Variants in ARMH3 observed in about 807,000 individuals in gnomAD.
The protein encoded by ARMH3 is armadillo like helical domain containing 3.
A neutral mutation model predicts 99.1 loss-of-function variants in ARMH3; 60 were observed. The observed-to-expected ratio is 0.61, with a 90% CI of 0.49 to 0.75. The LOEUF (loss-of-function observed/expected upper bound fraction) is 0.75. Ranked by LOEUF, ARMH3 falls within the 30% of genes least tolerant of loss-of-function variation. The pLI is 0.00. For synonymous variants in ARMH3, 285 were observed against 292.8 expected, an observed-to-expected ratio of 0.97 and a Z score of 0.27; for missense variants, 679 against 843.1, an observed-to-expected ratio of 0.81 and a Z score of 2.41.
intron 19 of ARMH3, among the ~76,000 whole-genome samples, chr10:101,985,435 C>T (rs1022550328): frequency 8.6e-5 from 13 of 151,490 alleles, no homozygotes; most frequent in African/African-American, 2.9e-4. Context: ...TACTGGAGGC[C>T]AGGCATAGTG....
rs543037154 is a variant in ARMH3 at position 101,914,466 on chromosome 10, C to G, written c.1782-24976G>C. Among the ~76,000 whole-genome samples the G allele has an allele frequency of 2.2e-3, 316 of 146,712 alleles. 1 individual carries two copies. The highest frequency in any genetic ancestry group is 7.7e-3 in the African/African-American group (302 of 39,460). ...TCACACCACTGTGCTCCAGCCTGGG[C>G]CACAGAGCGAGACTCTGTCTCAAAA... On this transcript the variant is annotated intron_variant, in intron 23 of 25. Transcript: ENST00000370033.
chr10:101,857,698 C>G (rs535193384), intron 24 of ARMH3, among the ~76,000 whole-genome samples: 1 of 152,182 alleles, frequency 6.6e-6, no homozygotes, highest in Non-Finnish European at 1.5e-5. Flanking sequence ...ACGACTTTTC[C>G]TACAAAAATG....
intron 15 of ARMH3, among the ~76,000 whole-genome samples, chr10:102,000,879 C>T (rs1422523971): frequency 2.0e-5 from 3 of 151,884 alleles, no homozygotes; most frequent in African/African-American, 4.8e-5. Context: ...TACAGTGGCG[C>T]GATCTCAACT....
chr10:101,966,358 C>A (rs1490352511), intron 20 of ARMH3, among the ~76,000 whole-genome samples: 1 of 142,272 alleles, frequency 7.0e-6, no homozygotes, highest in African/African-American at 2.6e-5. Flanking sequence ...CTCACTGCAA[C>A]CTCTGCCTCC....
At chr10:101,977,138 T>C (rs1055399562) in intron 19 of ARMH3, among the ~76,000 whole-genome samples, 30 of 152,350 alleles carry the variant, frequency 2.0e-4, no homozygotes, top group African/African-American at 5.0e-4. Context: ...CAAAAAAATA[T>C]AGAACTTTTC....
chr10:102,033,436 T>C (rs1466611568), intron 2 of ARMH3, 97 bp from the exon 3 acceptor site: 3 of 1,310,754 alleles, frequency 2.3e-6, no homozygotes, highest in African/African-American at 1.5e-5. Flanking sequence ...TTTTTTTTTT[T>C]TGAGATGGAA....
At chr10:101,857,690 G>A (rs1412779533) in intron 24 of ARMH3, among the ~76,000 whole-genome samples, 2 of 152,148 alleles carry the variant, frequency 1.3e-5, no homozygotes, top group Non-Finnish European at 2.9e-5. Context: ...AAAGGAAGAC[G>A]ACTTTTCCTA....
intron 15 of ARMH3, among the ~76,000 whole-genome samples, chr10:102,001,286 G>GA (rs979554158): frequency 6.6e-5 from 10 of 151,388 alleles, no homozygotes; most frequent in Non-Finnish European, 1.2e-4. Context: ...CTAAGTAGGG[G>GA]AAAAAAAACA....
chr10:102,043,837 G>A (rs185437788), intron 1 of ARMH3, among the ~76,000 whole-genome samples: 133 of 152,322 alleles, frequency 8.7e-4, no homozygotes, highest in African/African-American at 2.7e-3. Context: ...GTAAATCAAT[G>A]AAGGCTTTTA....
intron 11 of ARMH3, among the ~76,000 whole-genome samples, chr10:102,010,478 A>G (rs1249827368): frequency 1.3e-5 from 2 of 152,190 alleles, no homozygotes; most frequent in Non-Finnish European, 2.9e-5. Flanking sequence ...CTTTGGGAAC[A>G]ATATTCAGGT....
At chr10:101,955,791 A>C (rs558186141) in intron 22 of ARMH3, among the ~76,000 whole-genome samples, 1 of 152,372 alleles carries the variant, frequency 6.6e-6, no homozygotes, top group African/African-American at 2.4e-5. Context: ...AGATACAAGG[A>C]AACTTTTCAG....
At chr10:101,990,527 A>T in intron 19 of ARMH3, 24 bp downstream of exon 19, 22 of 1,464,398 alleles carry the variant, frequency 1.5e-5, no homozygotes, top group Non-Finnish European at 2.0e-5. Context: ...TGTACACATT[A>T]AATGTGTACA....
chr10:102,034,983 C>T (rs1429553913), intron 2 of ARMH3, among the ~76,000 whole-genome samples: 2 of 151,944 alleles, frequency 1.3e-5, no homozygotes, highest in Admixed American at 6.6e-5. Flanking sequence ...ACACCTGTAA[C>T]GTCAGCATTT....
chr10:101,935,186 TATATATATATATAC>T (rs1843906376), intron 23 of ARMH3, among the ~76,000 whole-genome samples: 1 of 146,800 alleles, frequency 6.8e-6, no homozygotes, highest in Non-Finnish European at 1.5e-5. Flanking sequence ...TATATATATA[TATATATATATATAC>T]ATTTTTTGTA....
At chr10:102,000,674 G>A (rs1395509707) in intron 15 of ARMH3, among the ~76,000 whole-genome samples, 4 of 151,276 alleles carry the variant, frequency 2.6e-5, no homozygotes. Flanking sequence ...GGAGCCTGAG[G>A]TGGGAGAATC....
At chr10:101,980,893 G>A (rs1846198471) in intron 19 of ARMH3, among the ~76,000 whole-genome samples, 1 of 152,198 alleles carries the variant, frequency 6.6e-6, no homozygotes, top group African/African-American at 2.4e-5. Flanking sequence ...AAAGGAATGA[G>A]ATCATGTCCT....
chr10:102,022,270 G>A (rs1053852328), intron 8 of ARMH3, among the ~76,000 whole-genome samples: 20 of 151,574 alleles, frequency 1.3e-4, no homozygotes, highest in African/African-American at 4.8e-4. Context: ...TAGGTCAGTG[G>A]TTCTCAATCC....
At chr10:101,932,219 C>T (rs990645861) in intron 23 of ARMH3, among the ~76,000 whole-genome samples, 3 of 152,120 alleles carry the variant, frequency 2.0e-5, no homozygotes, top group South Asian at 2.1e-4. Flanking sequence ...ACTTCACACC[C>T]GCTGGGATGG....
chr10:102,006,664 C>G (rs2066496388), intron 13 of ARMH3, 31 bp from the exon 14 acceptor site: 1 of 1,589,150 alleles, frequency 6.3e-7, no homozygotes, highest in East Asian at 2.2e-5. Context: ...TGTAAGAAAA[C>G]AGAAAATCCA....
Sources: gnomAD v4.1 joint callset for allele counts (sites outside exome capture counted in the v4.1 genomes callset) on GRCh38, gnomAD v4.1.1 for gene constraint, MANE v1.5 for transcripts, NCBI Gene and HGNC (gene_info 2026-07-23, HGNC 2026-07-21) for gene names.